Variants in NAA25 observed in about 807,000 individuals in gnomAD.
NAA25 encodes N-alpha-acetyltransferase 25, NatB auxiliary subunit.
Under a neutral mutation model 132.5 loss-of-function variants are expected in NAA25, and 30 were observed. That is an observed-to-expected ratio of 0.23 (90% CI 0.17 to 0.31). The LOEUF is 0.31. Among genes scored for constraint, NAA25 ranks in the 10% least tolerant of loss-of-function variants. NAA25 has a pLI of 1.00. For missense variants in NAA25, 771 were observed against 1,150.4 expected (o/e 0.67, Z 4.77); for synonymous variants, 359 against 401.9 (o/e 0.89, Z 1.28).
intron 11 of NAA25, among the ~76,000 whole-genome samples, chr12:112,062,791 A>G (rs1197625620): frequency 6.6e-6 from 1 of 152,120 alleles, no homozygotes; most frequent in Admixed American, 6.6e-5. Context: ...GCAGTGACTC[A>G]CACCTATATT....
rs146989491 is a variant in NAA25, at chr12:112,035,917, C to T, written c.2650-2538G>A. 7.8e-3 allele frequency among the ~76,000 whole-genome samples: 1,188 copies of T among 152,194 alleles called. 13 individuals carry two copies. Among genetic ancestry groups the T allele is most frequent in the African/African-American group, 0.027 (1,120 of 41,518 alleles). On this transcript the variant is annotated intron_variant, in intron 22 of 23. Coordinates refer to ENST00000261745, the MANE Select transcript of NAA25 (RefSeq NM_024953.4). ...CCAGACTGGTCTCAAAACTCCCGGG[C>T]TCAAGCAATCTCCCCACCTTGGCCT...
In NAA25 at chr12:112,039,176, A is replaced by G. The variant is rs200684712; in HGVS notation, c.2649+53T>C. Reference sequence around the variant, plus strand: ...ATGGAGGAAAACAGTGAAAAGAAAAAGTAGCATGTGGTCAGATTGTTCCTT... The same window carrying G: ...ATGGAGGAAAACAGTGAAAAGAAAAGGTAGCATGTGGTCAGATTGTTCCTT... On this transcript the variant is annotated intron_variant, in intron 22 of 23. Coordinates refer to ENST00000261745, the MANE Select transcript of NAA25 (RefSeq NM_024953.4). The G allele has an allele frequency of 3.0e-4, 339 of 1,123,172 alleles. 2 individuals are homozygous for G. The East Asian group carries it at 7.6e-3, about 25-fold the overall frequency. The allele number at this position is 1,123,172 out of a possible 1,614,324, so 69.6% of individuals were successfully genotyped here. A position where few individuals can be genotyped will look rare whatever the true frequency, so the allele number is the denominator to read the frequency against.
chr12:112,103,072 C>T (rs1033918800), intron 1 of NAA25, among the ~76,000 whole-genome samples: 5 of 152,296 alleles, frequency 3.3e-5, no homozygotes, highest in African/African-American at 1.2e-4. Context: ...CTGCAGCCTC[C>T]GCCTCCCGGG....
chr12:112,104,735 C>T (rs2136950508), intron 1 of NAA25, among the ~76,000 whole-genome samples: 1 of 151,926 alleles, frequency 6.6e-6, no homozygotes, highest in Admixed American at 6.6e-5. Flanking sequence ...GCTCTGGAGG[C>T]TGAGGCAGGA....
intron 3 of NAA25, 31 bp downstream of exon 3, chr12:112,090,695 G>A (rs773997748): frequency 6.3e-7 from 1 of 1,594,442 alleles, no homozygotes; most frequent in East Asian, 2.2e-5. Flanking sequence ...TTCAGCTCAA[G>A]TTTAAAAACA....
At chr12:112,039,114 T>C (rs2078266754) in intron 22 of NAA25, 115 bp downstream of exon 22, 2 of 524,042 alleles carry the variant, frequency 3.8e-6, no homozygotes, top group Non-Finnish European at 3.3e-6. Flanking sequence ...GGCCATGGGT[T>C]GGAGAAGCTT....
intron 13 of NAA25, among the ~76,000 whole-genome samples, chr12:112,055,913 A>C (rs1327568236): frequency 1.3e-5 from 2 of 152,208 alleles, no homozygotes; most frequent in African/African-American, 2.4e-5. Flanking sequence ...AAGAAAAGAA[A>C]GATAGGCCGG....
At chr12:112,036,981 C>T (rs2078232365) in intron 22 of NAA25, among the ~76,000 whole-genome samples, 2 of 151,902 alleles carry the variant, frequency 1.3e-5, no homozygotes, top group Admixed American at 1.3e-4. Context: ...AGCACACTAA[C>T]ACCTAGATCT....
intron 14 of NAA25, among the ~76,000 whole-genome samples, 164 bp downstream of exon 14, chr12:112,054,224 G>A (rs1433713899): frequency 6.6e-6 from 1 of 152,142 alleles, no homozygotes; most frequent in Non-Finnish European, 1.5e-5. Context: ...ACCACAAAAT[G>A]CTGGGAGATA....
chr12:112,047,112 AG>A (rs935020940), intron 17 of NAA25, among the ~76,000 whole-genome samples: 2 of 152,116 alleles, frequency 1.3e-5, no homozygotes, highest in Admixed American at 1.3e-4. Context: ...CATAGGGGTG[AG>A]CTATACTTTC....
intron 9 of NAA25, among the ~76,000 whole-genome samples, chr12:112,072,429 G>T (rs1042262686): frequency 2.6e-5 from 4 of 151,774 alleles, no homozygotes; most frequent in Non-Finnish European, 4.4e-5. Context: ...CCAAGATGGT[G>T]AAACCCCATC....
rs1355589254 is a variant in NAA25 at position 112,074,736 on chromosome 12, AAGTC to A, written c.801_804del (p.Thr268IlefsTer8). On this transcript the variant is annotated frameshift_variant, in exon 9 of 24. Transcript: ENST00000261745. LOFTEE classifies it high-confidence loss of function. ...ATCAGTCGAAAGACAGAATCGAAATAAGTCAGATAGAACTGCCAGTCATCTGAGC... is the reference window on the plus strand; with the variant it reads ...ATCAGTCGAAAGACAGAATCGAAATAAGATAGAACTGCCAGTCATCTGAGC... 1 of 1,612,136 alleles carries A rather than the reference AAGTC, an allele frequency of 6.2e-7. No homozygotes were observed. The highest frequency in any genetic ancestry group is 2.2e-5 in the East Asian group (1 of 44,792).
chr12:112,086,622 G>C (rs12316569), intron 4 of NAA25, among the ~76,000 whole-genome samples: 4 of 152,140 alleles, frequency 2.6e-5, no homozygotes, highest in African/African-American at 9.6e-5. Flanking sequence ...ATTATCTATT[G>C]TTATAACTTG....
chr12:112,078,601 T>C, intron 6 of NAA25, 33 bp downstream of exon 6: 6 of 1,565,324 alleles, frequency 3.8e-6, no homozygotes, highest in Non-Finnish European at 5.3e-6. Flanking sequence ...AGCAAAAAAA[T>C]GAAAACACAA....
At position 112,047,732 on chromosome 12, in the gene NAA25, T is replaced by C; in HGVS notation, c.1939A>G (p.Ile647Val). The change falls in exon 17 of 24, where the codon ATT becomes GTT. Residue 647 changes from isoleucine to valine, a missense_variant. Physicochemically the swap from Ile to Val is conservative, Grantham distance 29. Around this residue, in one of 3 missense-constraint regions of NAA25, gnomAD observed 324 missense variants for 400.0 expected, o/e 0.81. Transcript: ENST00000261745. ...TTGTCTCGCAAATCTTCCCATGGAA[T>C]GTCATCTTCTTCTGGCCTAAGGTTC... The part of the protein sequence containing the change: ...SMNLRPEEDD[I>V]PWEDLRDNRD... 44 of 1,614,098 alleles carry C rather than the reference T, an allele frequency of 2.7e-5. No individual in the cohort carries two copies. Among genetic ancestry groups the C allele is most frequent in the Non-Finnish European group, 3.6e-5 (43 of 1,179,972 alleles).
chr12:112,036,167 A>G (rs1222322847), intron 22 of NAA25, among the ~76,000 whole-genome samples: 2 of 152,238 alleles, frequency 1.3e-5, no homozygotes, highest in African/African-American at 2.4e-5. Flanking sequence ...AATTAAATCA[A>G]TAAAGATGGG....
chr12:112,054,629 CA>C (rs1226186323), intron 13 of NAA25, 61 bp from the exon 14 acceptor site: 33 of 1,473,922 alleles, frequency 2.2e-5, no homozygotes, highest in Non-Finnish European at 2.0e-5. Context: ...TTCCCAAAAA[CA>C]AAAAACAAAA....
At position 112,053,621 on chromosome 12, in the gene NAA25, C is replaced by G; in HGVS notation, c.1665G>C (p.Gln555His). Reference protein sequence around the residue: ...LLTRYAESLGQYAAASQSCNF... With the variant: ...LLTRYAESLGHYAAASQSCNF... ...TACAGGATTGGGACGCAGCAGCATACTGACCTAGAGATTCAGCATATCGGG... is the reference window on the plus strand; with the variant it reads ...TACAGGATTGGGACGCAGCAGCATAGTGACCTAGAGATTCAGCATATCGGG... Residue 555 changes from glutamine to histidine, a missense_variant, in exon 15 of 24, where the codon CAG becomes CAC. Around this residue, in one of 3 missense-constraint regions of NAA25, gnomAD observed 417 missense variants for 733.8 expected, o/e 0.57. Transcript: ENST00000261745. 1 of 1,608,200 alleles carries G rather than the reference C, an allele frequency of 6.2e-7. No homozygotes were observed. Among genetic ancestry groups the G allele is most frequent in the Middle Eastern group, 1.7e-4 (1 of 6,054 alleles).
At chr12:112,065,368 C>T (rs781163631) in intron 11 of NAA25, among the ~76,000 whole-genome samples, 1 of 152,056 alleles carries the variant, frequency 6.6e-6, no homozygotes, top group African/African-American at 2.4e-5. Flanking sequence ...GGCATGGTGG[C>T]GGGCACCTGT....
Sources: allele counts gnomAD v4.1 joint callset (sites outside exome capture counted in the v4.1 genomes callset), GRCh38; gene constraint gnomAD v4.1.1; regional missense constraint gnomAD v4.1.1; transcripts MANE v1.5; gene names NCBI Gene and HGNC (gene_info 2026-07-23, HGNC 2026-07-21).